VPS13D: variants seen among roughly 807,000 people sequenced by gnomAD.
VPS13D encodes the protein intermembrane lipid transfer protein VPS13D.
VPS13D carries 187 observed loss-of-function variants against 461.9 expected under a neutral mutation model. The ratio of observed to expected loss-of-function variants is 0.40; its 90% CI spans 0.36 to 0.46. VPS13D has a LOEUF of 0.46. Ranked by LOEUF, VPS13D falls within the 20% of genes least tolerant of loss-of-function variation. VPS13D has a pLI of 0.60. For synonymous variants in VPS13D, 1,951 were observed against 1,986.3 expected, an observed-to-expected ratio of 0.98 and a Z score of 0.47; for missense variants, 4,711 against 5,364.9, an observed-to-expected ratio of 0.88 and a Z score of 3.81.
intron 65 of VPS13D, among the ~76,000 whole-genome samples, chr1:12,423,630 C>T (rs1644889136): frequency 6.6e-6 from 1 of 152,154 alleles, no homozygotes; most frequent in South Asian, 2.1e-4. Flanking sequence ...TGCTTCTTTT[C>T]GAAGCAAACC....
At chr1:12,320,784 C>G (rs1236135305) in intron 32 of VPS13D, among the ~76,000 whole-genome samples, 1 of 152,216 alleles carries the variant, frequency 6.6e-6, no homozygotes, top group Admixed American at 6.5e-5. Flanking sequence ...TGAAACTGTT[C>G]TGCTCTGAAG....
intron 35 of VPS13D, among the ~76,000 whole-genome samples, chr1:12,326,389 T>C (rs547786147): frequency 1.1e-4 from 17 of 149,434 alleles, no homozygotes; most frequent in African/African-American, 4.0e-4. Flanking sequence ...TGGAGTGTAG[T>C]GGTGGCACAA....
intron 47 of VPS13D, among the ~76,000 whole-genome samples, 191 bp from the exon 48 acceptor site, chr1:12,355,708 G>A (rs370005571): frequency 3.3e-5 from 5 of 152,092 alleles, no homozygotes; most frequent in African/African-American, 9.7e-5. Flanking sequence ...TCTCTAGTGT[G>A]ATTCCAGGCC....
rs1169353860 is a variant in VPS13D at position 12,279,051 on chromosome 1, G to T, written c.4451-448G>T. Among the ~76,000 whole-genome samples the T allele has an allele frequency of 6.6e-6, 1 of 152,082 alleles. No individual in the cohort carries two copies. The highest frequency in any genetic ancestry group is 2.4e-5 in the African/African-American group (1 of 41,408). On this transcript the variant is annotated intron_variant, in intron 19 of 69. Coordinates refer to ENST00000620676, the MANE Select transcript of VPS13D (RefSeq NM_015378.4). This position sits in a 1 kb window ranked among gnomAD's most constrained non-coding sequence, Gnocchi z 4.3. ...ATCAAAAGATAGCTTTCTCTGCTTG[G>T]ATAAAAGTTGTTTACTTAGAACTTG...
At chr1:12,441,099 T>C (rs1410648393) in intron 65 of VPS13D, among the ~76,000 whole-genome samples, 3 of 151,996 alleles carry the variant, frequency 2.0e-5, no homozygotes, top group African/African-American at 7.2e-5. Flanking sequence ...CTAATTTTTG[T>C]AATTTTAGTA....
At chr1:12,361,223 T>A (rs975249200) in intron 50 of VPS13D, among the ~76,000 whole-genome samples, 8 of 152,188 alleles carry the variant, frequency 5.3e-5, no homozygotes, top group African/African-American at 1.9e-4. Context: ...ATTATTGTTG[T>A]TGTTGTTGTT....
rs375963121 is a variant in VPS13D, at chr1:12,311,436, C to T, written c.6651-18C>T. 5 of 1,593,524 alleles carry T rather than the reference C, an allele frequency of 3.1e-6. No homozygotes were observed. The highest frequency in any genetic ancestry group is 4.3e-6 in the Non-Finnish European group (5 of 1,171,454). Reference sequence around the variant, plus strand: ...TTAGTGACTTGTCTGTGTAAGTGATCTTTTTTCTTTTTCATAGAGAAATAA... The same window carrying T: ...TTAGTGACTTGTCTGTGTAAGTGATTTTTTTTCTTTTTCATAGAGAAATAA... On this transcript the variant is annotated intron_variant, in intron 27 of 69. Transcript: ENST00000620676.
chr1:12,409,793 G>C (rs552452859), intron 63 of VPS13D: 16 of 442,302 alleles, frequency 3.6e-5, no homozygotes, highest in African/African-American at 2.2e-4. Context: ...GACAGATCGT[G>C]GGGGCGGGGT....
Position 12,279,765 on chromosome 1 carries a change from A to G in VPS13D, c.4602+115A>G. ...GAATATATATTTTCAAAGATATATC[A>G]CCCATGCATAATACCATTGTTGAAA... On this transcript the variant is annotated intron_variant, in intron 20 of 69. Transcript: ENST00000620676. This position sits in a 1 kb window ranked among gnomAD's most constrained non-coding sequence, Gnocchi z 4.3. 1.1e-6 allele frequency: 1 copy of G among 926,604 alleles called. No individual in the cohort carries two copies. Among genetic ancestry groups the G allele is most frequent in the Non-Finnish European group, 1.5e-6 (1 of 673,006 alleles). 57.4% of individuals were successfully genotyped at this position (926,604 alleles called of 1,614,324 possible).
intron 69 of VPS13D, among the ~76,000 whole-genome samples, chr1:12,508,381 G>A (rs1185336742): frequency 6.6e-6 from 1 of 152,078 alleles, no homozygotes; most frequent in Non-Finnish European, 1.5e-5. Flanking sequence ...TGTCAGGTGA[G>A]TATGGGTTGG....
chr1:12,387,439 A>G lies in VPS13D; in HGVS notation c.11634+1105A>G, dbSNP rs149929247. Among the ~76,000 whole-genome samples the G allele has an allele frequency of 5.2e-5, 8 of 152,394 alleles. No individual in the cohort carries two copies. The South Asian group carries it at 1.2e-3, about 24-fold the overall frequency. On this transcript the variant is annotated intron_variant, in intron 60 of 69. Transcript: ENST00000620676. ...GTGCAAAGGAGTAGGAAAACTTTCT[A>G]TATAATGAGGAGACTAATTGGTCAA...
At chr1:12,307,815 C>T (rs1020039276) in intron 26 of VPS13D, among the ~76,000 whole-genome samples, 9 of 152,102 alleles carry the variant, frequency 5.9e-5, no homozygotes, top group Non-Finnish European at 1.0e-4. Flanking sequence ...TTGGATTAAC[C>T]GTAGCCAGTA....
chr1:12,456,162 T>C (rs1339996881), intron 66 of VPS13D, 32 bp downstream of exon 66: 7 of 1,583,636 alleles, frequency 4.4e-6, no homozygotes, highest in East Asian at 2.2e-5. Context: ...GCTCTGCTGC[T>C]GCTGGTCCTC....
chr1:12,259,325 T>A (rs567002630), intron 10 of VPS13D, among the ~76,000 whole-genome samples: 72 of 151,784 alleles, frequency 4.7e-4, no homozygotes, highest in Middle Eastern at 3.4e-3. Flanking sequence ...TTTTATTTTT[T>A]TTTTTTTTGA....
chr1:12,249,402 C>T, intron 6 of VPS13D, 63 bp downstream of exon 6: 2 of 1,358,226 alleles, frequency 1.5e-6, no homozygotes, highest in Non-Finnish European at 1.0e-6. Flanking sequence ...TGGGGCTCTG[C>T]CTTTTGCCAT....
chr1:12,500,121 C>T lies in VPS13D; in HGVS notation c.12794+2490C>T, dbSNP rs1013502770. 3 of 985,268 alleles carry T rather than the reference C, an allele frequency of 3.0e-6. No homozygotes were observed. The Admixed American group carries it at 1.8e-4, about 61-fold the overall frequency. The allele number at this position is 985,268 out of a possible 1,614,324, so 61.0% of individuals were successfully genotyped here. ...TGGAGTGAAAACCCCACGAAGTCCC[C>T]AGTGCCTTGGTGACTTCAACTTTAT... On this transcript the variant is annotated intron_variant, in intron 68 of 69. Coordinates refer to ENST00000620676, the MANE Select transcript of VPS13D (RefSeq NM_015378.4).
At chr1:12,439,098 C>T (rs1645097814) in intron 65 of VPS13D, among the ~76,000 whole-genome samples, 1 of 152,146 alleles carries the variant, frequency 6.6e-6, no homozygotes, top group Admixed American at 6.5e-5. Context: ...GTGATCCTGT[C>T]AAAACATAAC....
intron 50 of VPS13D, among the ~76,000 whole-genome samples, chr1:12,360,946 G>A (rs1160420085): frequency 6.6e-6 from 1 of 152,174 alleles, no homozygotes; most frequent in Non-Finnish European, 1.5e-5. Flanking sequence ...ACTGCTGAAT[G>A]GAGTGCAGTC....
Position 12,317,777 on chromosome 1 carries a change from G to A in VPS13D, c.7149-295G>A, listed in dbSNP as rs1557705527. On this transcript the variant is annotated intron_variant, in intron 30 of 69. Transcript: ENST00000620676. ...AAAAAGAAAAGAAATAATGTCTTCA[G>A]GGGAGCAAAACCATCTGATTGAGAA... is the stretch of plus-strand genomic sequence containing the variant. 2.6e-5 allele frequency among the ~76,000 whole-genome samples: 4 copies of A among 152,078 alleles called. No individual in the cohort carries two copies. In the South Asian group the frequency reaches 8.3e-4, roughly 32 times the overall value.
Sources: gnomAD v4.1 joint callset for allele counts (sites outside exome capture counted in the v4.1 genomes callset) on GRCh38, gnomAD v4.1.1 for gene constraint, Gnocchi (gnomAD v3.1) non-coding constraint, MANE v1.5 for transcripts, NCBI Gene and HGNC (gene_info 2026-07-23, HGNC 2026-07-21) for gene names.